LRRFIP1: variants seen among roughly 807,000 people sequenced by gnomAD.
LRRFIP1 encodes leucine-rich repeat flightless-interacting protein 1.
In LRRFIP1, 62 loss-of-function variants were observed where a neutral mutation model predicts 104.4. The observed-to-expected ratio is 0.59, with a 90% confidence interval of 0.48 to 0.73. LRRFIP1 has a LOEUF of 0.73. Among genes scored for constraint, LRRFIP1 ranks in the 30% least tolerant of loss-of-function variants. LRRFIP1 has a pLI of 0.00. For synonymous variants in LRRFIP1, 300 were observed against 299.0 expected, an observed-to-expected ratio of 1.00 and a Z score of -0.03; for missense variants, 796 against 824.5, an observed-to-expected ratio of 0.97 and a Z score of 0.42.
At chr2:237,679,616 A>AT (rs887892529) in intron 1 of LRRFIP1, among the ~76,000 whole-genome samples, 10 of 151,662 alleles carry the variant, frequency 6.6e-5, no homozygotes, top group Non-Finnish European at 1.5e-4. Flanking sequence ...TACCGTAATG[A>AT]TTTTTTTTTG....
At chr2:237,678,507 T>A (rs1351611098) in intron 1 of LRRFIP1, among the ~76,000 whole-genome samples, 1 of 147,588 alleles carries the variant, frequency 6.8e-6, no homozygotes, top group Non-Finnish European at 1.5e-5. Flanking sequence ...CCTGAAACTA[T>A]TTTTTTTTCT....
rs2095193077 is a variant in LRRFIP1, at chr2:237,735,135, A to G, written c.490-133A>G. 1 of 656,240 alleles carries G rather than the reference A, an allele frequency of 1.5e-6. No homozygotes were observed. The allele number at this position is 656,240 out of a possible 1,614,324, so 40.7% of individuals were successfully genotyped here. The stretch of plus-strand genomic sequence containing the variant: ...TTGAAGAGCTGGAAAGGTGGTTCTC[A>G]GCCTCCCCTGCATGCTTTTTCAGGT... On this transcript the variant is annotated intron_variant, in intron 9 of 23. Transcript: ENST00000308482. This position sits in a 1 kb window ranked among gnomAD's most constrained non-coding sequence, Gnocchi z 4.6.
At chr2:237,664,838 T>A (rs746411333) in intron 1 of LRRFIP1, among the ~76,000 whole-genome samples, 5 of 152,218 alleles carry the variant, frequency 3.3e-5, no homozygotes, top group Non-Finnish European at 5.9e-5. Context: ...GTTCAAAGGA[T>A]GCTGACCACT....
chr2:237,725,358 A>G (rs1359184641), intron 7 of LRRFIP1, among the ~76,000 whole-genome samples: 1 of 152,224 alleles, frequency 6.6e-6, no homozygotes, highest in Non-Finnish European at 1.5e-5. Flanking sequence ...GCTACACAGT[A>G]CAATAGAGCG....
chr2:237,632,207 A>T (rs7560003), intron 1 of LRRFIP1, among the ~76,000 whole-genome samples: 31,702 of 147,660 alleles, frequency 0.21, 4,054 homozygotes, highest in African/African-American at 0.23. Context: ...GGGGTCACAC[A>T]GCCCCCAAGG....
chr2:237,664,990 G>A (rs1188476611), intron 1 of LRRFIP1, among the ~76,000 whole-genome samples: 3 of 152,110 alleles, frequency 2.0e-5, no homozygotes, highest in African/African-American at 7.2e-5. Flanking sequence ...ATGACTTCAG[G>A]CTTGTCATCA....
At chr2:237,753,288 A>T (rs1426963445) in intron 14 of LRRFIP1, 21 bp from the exon 15 acceptor site, 15 of 1,552,034 alleles carry the variant, frequency 9.7e-6, no homozygotes, top group Non-Finnish European at 1.3e-5. Context: ...CAATTTCAAA[A>T]ATATGACCTG....
At chr2:237,688,572 C>T (rs1381298548) in intron 1 of LRRFIP1, among the ~76,000 whole-genome samples, 1 of 150,976 alleles carries the variant, frequency 6.6e-6, no homozygotes, top group African/African-American at 2.4e-5. Flanking sequence ...GATTCTCATG[C>T]CTCTGCCTCC....
intron 11 of LRRFIP1, among the ~76,000 whole-genome samples, chr2:237,740,550 GAA>G (rs1387683542): frequency 6.6e-6 from 1 of 152,164 alleles, no homozygotes. Flanking sequence ...AATCAACCAA[GAA>G]GTCGCAGCGC....
intron 8 of LRRFIP1, among the ~76,000 whole-genome samples, 165 bp from the exon 9 acceptor site, chr2:237,733,609 A>G (rs917845607): frequency 5.3e-5 from 8 of 152,244 alleles, no homozygotes; most frequent in Admixed American, 2.6e-4. Context: ...ATTTGCATCT[A>G]TCAAATTTGC....
chr2:237,713,871 CA>C (rs759091599), intron 2 of LRRFIP1, among the ~76,000 whole-genome samples: 1 of 152,132 alleles, frequency 6.6e-6, no homozygotes, highest in Non-Finnish European at 1.5e-5. Context: ...TGAATTTGAC[CA>C]GTTAACTTTC....
intron 23 of LRRFIP1, among the ~76,000 whole-genome samples, chr2:237,778,080 C>G (rs993247435): frequency 6.6e-6 from 1 of 152,174 alleles, no homozygotes; most frequent in African/African-American, 2.4e-5. Context: ...CTGAAACATG[C>G]TCAGTCTTTG....
intron 1 of LRRFIP1, among the ~76,000 whole-genome samples, chr2:237,646,148 G>C (rs1019143647): frequency 6.6e-6 from 1 of 151,840 alleles, no homozygotes; most frequent in East Asian, 1.9e-4. Flanking sequence ...TCGATATTCT[G>C]ATTAGTTCGC....
intron 1 of LRRFIP1, among the ~76,000 whole-genome samples, chr2:237,697,040 T>A (rs567787296): frequency 9.9e-5 from 15 of 152,208 alleles, no homozygotes; most frequent in Non-Finnish European, 1.9e-4. Flanking sequence ...TTTTTTTTTA[T>A]TGAGACAGTC....
At chr2:237,669,997 T>C (rs1046418405) in intron 1 of LRRFIP1, among the ~76,000 whole-genome samples, 4 of 152,230 alleles carry the variant, frequency 2.6e-5, no homozygotes, top group Admixed American at 2.6e-4. Flanking sequence ...TATCATCTAA[T>C]GAAAACCAGC....
chr2:237,769,979 G>A lies in LRRFIP1; in HGVS notation c.1496G>A (p.Cys499Tyr), dbSNP rs112297580. The change falls in exon 20 of 24, where the codon TGC becomes TAC. Residue 499 changes from cysteine (C) to tyrosine (Y), a missense_variant. Physicochemically the swap from Cys to Tyr is radical, Grantham distance 194. Coordinates refer to ENST00000308482, the MANE Select transcript of LRRFIP1 (RefSeq NM_001137550.2). ...RLKKLVDERE[C>Y]LLEQIKKLKG... ...AAAAAGCTGGTTGATGAACGGGAATGCTTATTGGAACAGGTAACAATCTTT... is the reference window on the plus strand; with the variant it reads ...AAAAAGCTGGTTGATGAACGGGAATACTTATTGGAACAGGTAACAATCTTT... 1.4e-4 allele frequency: 226 copies of A among 1,604,288 alleles called. No individual in the cohort carries two copies. In the African/African-American group the frequency reaches 2.4e-3, roughly 17 times the overall value.
At chr2:237,756,800 G>C (rs1339427097) in intron 16 of LRRFIP1, among the ~76,000 whole-genome samples, 1 of 152,190 alleles carries the variant, frequency 6.6e-6, no homozygotes, top group Non-Finnish European at 1.5e-5. Flanking sequence ...CCTGGAAACT[G>C]TAAATATGAT....
intron 11 of LRRFIP1, among the ~76,000 whole-genome samples, chr2:237,747,941 GA>G (rs1258945755): frequency 1.3e-5 from 2 of 151,788 alleles, no homozygotes; most frequent in African/African-American, 2.4e-5. Flanking sequence ...AAAAAAAGGA[GA>G]AAAAAAGAAA....
chr2:237,686,068 A>T (rs2092344123), intron 1 of LRRFIP1, among the ~76,000 whole-genome samples: 1 of 151,970 alleles, frequency 6.6e-6, no homozygotes, highest in Admixed American at 6.6e-5. Flanking sequence ...CACACCTCTT[A>T]TCCTTCCCAT....
Sources: allele counts gnomAD v4.1 joint callset (sites outside exome capture counted in the v4.1 genomes callset), GRCh38; gene constraint gnomAD v4.1.1; non-coding constraint Gnocchi (gnomAD v3.1); transcripts MANE v1.5; gene names NCBI Gene and HGNC (gene_info 2026-07-23, HGNC 2026-07-21).